The following GPM6B variants were observed in gnomAD, a reference collection of about 807,000 sequenced individuals.
The protein encoded by GPM6B is neuronal membrane glycoprotein M6-b.
GPM6B carries 4 observed loss-of-function variants against 27.2 expected under a neutral mutation model. The ratio of observed to expected loss-of-function variants is 0.15; its 90% confidence interval spans 0.07 to 0.34. The LOEUF is 0.34. Among genes scored for constraint, GPM6B ranks in the 10% least tolerant of loss-of-function variants. GPM6B has a pLI of 1.00. For synonymous variants in GPM6B, 124 were observed against 103.1 expected, an observed-to-expected ratio of 1.20 and a Z score of -1.23; for missense variants, 183 against 261.9, an observed-to-expected ratio of 0.70 and a Z score of 2.08.
At chrX:13,783,280 G>A in intron 4 of GPM6B, 85 bp downstream of exon 4, 1 of 831,006 alleles carries the variant, frequency 1.2e-6, no homozygotes. Context: ...TCGATACCTG[G>A]TAGCTTTTGC....
chrX:13,845,755 C>T (rs779990855), intron 1 of GPM6B, among the ~76,000 whole-genome samples: 130 of 112,016 alleles, frequency 1.2e-3, no homozygotes, highest in African/African-American at 3.9e-3. Context: ...CTATGGGATG[C>T]TTTAGTCTCA....
intron 2 of GPM6B, among the ~76,000 whole-genome samples, chrX:13,806,429 C>G (rs2049022338): frequency 9.0e-6 from 1 of 111,317 alleles, no homozygotes; most frequent in African/African-American, 3.3e-5. Flanking sequence ...ATTCCAGAAC[C>G]CTCCATATTC....
chrX:13,788,366 C>A lies in GPM6B; in HGVS notation c.182-2558G>T, dbSNP rs781163133. ...CATGATGGGGGCAAAGATACAGACC[C>A]CTGCAGAGCCAGTGGAAAGAGAGTG... On this transcript the variant is annotated intron_variant, in intron 2 of 7. Transcript: ENST00000316715. 3.3e-4 allele frequency among the ~76,000 whole-genome samples: 36 copies of A among 108,964 alleles called. No homozygotes were observed. In the South Asian group the frequency reaches 0.014, roughly 42 times the overall value. 94.6% of individuals were successfully genotyped at this position (108,964 alleles called of 115,157 possible).
At chrX:13,850,510 C>G (rs2049702498) in intron 1 of GPM6B, among the ~76,000 whole-genome samples, 1 of 112,620 alleles carries the variant, frequency 8.9e-6, no homozygotes, top group South Asian at 3.7e-4. Flanking sequence ...AGGACAAATA[C>G]TTTGAACAGC....
At chrX:13,872,862 G>A (rs1265960204) in intron 1 of GPM6B, among the ~76,000 whole-genome samples, 1 of 110,962 alleles carries the variant, frequency 9.0e-6, no homozygotes, top group Non-Finnish European at 1.9e-5. Context: ...CCAGGACTAC[G>A]TGAGGCCAGA....
Position 13,802,172 on chromosome X carries a change from A to T in GPM6B, c.181+5478T>A, listed in dbSNP as rs765367363. Among the ~76,000 whole-genome samples the T allele has an allele frequency of 4.4e-5, 3 of 68,572 alleles. 1 individual carries two copies. Among genetic ancestry groups the T allele is most frequent in the African/African-American group, 1.7e-4 (3 of 17,601 alleles). 59.5% of individuals were successfully genotyped at this position (68,572 alleles called of 115,157 possible). A position where few individuals can be genotyped will look rare whatever the true frequency, so the allele number is the denominator to read the frequency against. On this transcript the variant is annotated intron_variant, in intron 2 of 7. Coordinates refer to ENST00000316715, the MANE Select transcript of GPM6B (RefSeq NM_001001995.3). ...TCTAGTTAGATTTATATGAAAACATATAACATAAGGGACATTTCAAAGGCA... is the reference window on the plus strand; with the variant it reads ...TCTAGTTAGATTTATATGAAAACATTTAACATAAGGGACATTTCAAAGGCA...
chrX:13,895,866 G>C (rs2050227637), intron 1 of GPM6B, among the ~76,000 whole-genome samples: 2 of 109,462 alleles, frequency 1.8e-5, no homozygotes, highest in African/African-American at 6.7e-5. Flanking sequence ...ATATGGGACT[G>C]GGCATGGTGG....
At chrX:13,812,291 G>A (rs2049151792) in intron 1 of GPM6B, among the ~76,000 whole-genome samples, 1 of 110,014 alleles carries the variant, frequency 9.1e-6, no homozygotes, top group South Asian at 3.8e-4. Flanking sequence ...TTGACCTCTT[G>A]ATCCGCCCGC....
chrX:13,851,814 TAGAGA>T (rs1176574386), intron 1 of GPM6B, among the ~76,000 whole-genome samples: 2 of 111,209 alleles, frequency 1.8e-5, no homozygotes, highest in African/African-American at 3.3e-5. Flanking sequence ...CACCACACTT[TAGAGA>T]AGAGATCATT....
chrX:13,927,760 C>T, intron 1 of GPM6B, among the ~76,000 whole-genome samples: 1 of 112,780 alleles, frequency 8.9e-6, no homozygotes, highest in South Asian at 3.6e-4. Context: ...ACACTTACAG[C>T]TTTGTCTTCA....
rs138859989 is a variant in GPM6B, at chrX:13,931,668, G to C, written c.-198+6659C>G. 1.8e-3 allele frequency among the ~76,000 whole-genome samples: 204 copies of C among 111,264 alleles called. 1 individual carries two copies. Among genetic ancestry groups the C allele is most frequent in the Non-Finnish European group, 2.4e-3 (126 of 53,001 alleles). On this transcript the variant is annotated intron_variant, in intron 1 of 6. Transcript: ENST00000398361. ...ACTTCCCTTCCTTCTCAAAAGGGATGAAACAATGGACTTACAAAAAAACAT... is the reference window on the plus strand; with the variant it reads ...ACTTCCCTTCCTTCTCAAAAGGGATCAAACAATGGACTTACAAAAAAACAT...
At chrX:13,886,801 C>A (rs1246955982) in intron 1 of GPM6B, among the ~76,000 whole-genome samples, 2 of 105,214 alleles carry the variant, frequency 1.9e-5, no homozygotes, top group Non-Finnish European at 3.8e-5. Context: ...TCTACAAATG[C>A]CCCCTCTAAC....
intron 1 of GPM6B, among the ~76,000 whole-genome samples, chrX:13,922,068 G>C (rs1920984843): frequency 9.0e-6 from 1 of 111,406 alleles, no homozygotes; most frequent in African/African-American, 3.3e-5. Context: ...TTCCACCCTG[G>C]CCCTGTTTTA....
At chrX:13,871,067 T>TAA (rs1468053623) in intron 1 of GPM6B, among the ~76,000 whole-genome samples, 8 of 97,345 alleles carry the variant, frequency 8.2e-5, no homozygotes, top group Non-Finnish European at 1.2e-4. Flanking sequence ...ACCCTATCTC[T>TAA]AAAACAAAAA....
chrX:13,922,247 C>T (rs1003047498), intron 1 of GPM6B, among the ~76,000 whole-genome samples: 4 of 111,146 alleles, frequency 3.6e-5, no homozygotes, highest in South Asian at 3.9e-4. Context: ...CACTATAGGA[C>T]GGTTAGCAGC....
intron 2 of GPM6B, among the ~76,000 whole-genome samples, chrX:13,787,558 A>C (rs2048637111): frequency 8.9e-6 from 1 of 111,992 alleles, no homozygotes; most frequent in African/African-American, 3.2e-5. Flanking sequence ...CTCCGTCTCA[A>C]AAAAAGAAAA....
At chrX:13,830,624 T>C (rs1006966467) in intron 1 of GPM6B, among the ~76,000 whole-genome samples, 1 of 111,651 alleles carries the variant, frequency 9.0e-6, no homozygotes, top group African/African-American at 3.2e-5. Context: ...AAATACAAAT[T>C]GTGTGTCAGT....
At chrX:13,829,606 C>T (rs879031541) in intron 1 of GPM6B, among the ~76,000 whole-genome samples, 4 of 110,908 alleles carry the variant, frequency 3.6e-5, no homozygotes, top group Admixed American at 1.9e-4. Context: ...CCACTCCACC[C>T]GGTCCCACCC....
At chrX:13,773,099 T>C (rs923943149) in intron 7 of GPM6B, 69 bp from the exon 8 acceptor site, 4 of 984,309 alleles carry the variant, frequency 4.1e-6, no homozygotes, top group Middle Eastern at 2.7e-4. Flanking sequence ...GCTAGTTAGA[T>C]TAGACAGACT....
Sources: allele counts gnomAD v4.1 joint callset (sites outside exome capture counted in the v4.1 genomes callset), GRCh38; gene constraint gnomAD v4.1.1; transcripts MANE v1.5; gene names NCBI Gene and HGNC (gene_info 2026-07-23, HGNC 2026-07-21).